Variants in TTC7B observed in about 807,000 individuals in gnomAD.
The protein encoded by TTC7B is tetratricopeptide repeat protein 7B.
Under a neutral mutation model 106.8 loss-of-function variants are expected in TTC7B, and 28 were observed. That is an observed-to-expected ratio of 0.26 (90% CI 0.19 to 0.36). The LOEUF (loss-of-function observed/expected upper bound fraction) is 0.36, where lower values mean the gene tolerates loss of function less well. Among genes scored for constraint, TTC7B ranks in the 10% least tolerant of loss-of-function variants. The pLI is 1.00. For missense variants in TTC7B, 862 were observed against 1,076.4 expected, an observed-to-expected ratio of 0.80 and a Z score of 2.79; for synonymous variants, 405 against 430.6, an observed-to-expected ratio of 0.94 and a Z score of 0.74.
intron 2 of TTC7B, among the ~76,000 whole-genome samples, chr14:90,782,180 T>C (rs915884634): frequency 4.0e-5 from 6 of 151,520 alleles, no homozygotes; most frequent in East Asian, 1.9e-4. Flanking sequence ...TTGGAAAGGA[T>C]GGTGCAGTGG....
rs1273807367 is a variant in TTC7B at position 90,600,693 on chromosome 14, G to A, written c.1967-7067C>T. Among the ~76,000 whole-genome samples, 1 of 152,224 alleles carries A rather than the reference G, an allele frequency of 6.6e-6. No homozygotes were observed. The highest frequency in any genetic ancestry group is 1.5e-5 in the Non-Finnish European group (1 of 68,034). The stretch of plus-strand genomic sequence containing the variant: ...ATGTCATCACCGGTGGGCATGCGGG[G>A]CTAGCGCAGCATGCTGCTGGTGGGT... On this transcript the variant is annotated intron_variant, in intron 17 of 19. Coordinates refer to ENST00000328459, the MANE Select transcript of TTC7B (RefSeq NM_001010854.2). This position sits in a 1 kb window ranked among gnomAD's most constrained non-coding sequence, Gnocchi z 4.3.
In TTC7B at chr14:90,600,361, C is replaced by G. The variant is rs1161053903; in HGVS notation, c.1967-6735G>C. 6.6e-6 allele frequency among the ~76,000 whole-genome samples: 1 copy of G among 152,136 alleles called. No homozygotes were observed. The highest frequency in any genetic ancestry group is 2.4e-5 in the African/African-American group (1 of 41,428). ...CTGCTGCTTCCCTGGGAGCTGCCCT[C>G]GCGCCTTGTGTCCCCCAGTGTGACA... is the stretch of plus-strand genomic sequence containing the variant. On this transcript the variant is annotated intron_variant, in intron 17 of 19. Coordinates refer to ENST00000328459, the MANE Select transcript of TTC7B (RefSeq NM_001010854.2). This position sits in a 1 kb window ranked among gnomAD's most constrained non-coding sequence, Gnocchi z 4.3.
intron 9 of TTC7B, among the ~76,000 whole-genome samples, chr14:90,664,989 G>C (rs1181712369): frequency 6.6e-6 from 1 of 152,216 alleles, no homozygotes; most frequent in East Asian, 1.9e-4. Context: ...GGCAAAGGCA[G>C]TGTGAATAGG....
rs574942981 is a variant in TTC7B, at chr14:90,699,034, G to A, written c.699-3456C>T. 57 of 352,844 alleles carry A rather than the reference G, an allele frequency of 1.6e-4. 1 individual carries two copies. The highest frequency in any genetic ancestry group is 9.4e-4 in the South Asian group (44 of 47,010). The allele number at this position is 352,844 out of a possible 1,614,324, so 21.9% of individuals were successfully genotyped here. ...CCTTCCAGGGCTTGTCTGCTGATTC[G>A]CCAGCATTCAACCCTCCCTCTCGAC... On this transcript the variant is annotated intron_variant, in intron 5 of 19. Coordinates refer to ENST00000328459, the MANE Select transcript of TTC7B (RefSeq NM_001010854.2).
chr14:90,593,969 G>A (rs948681665), intron 17 of TTC7B: 10 of 172,978 alleles, frequency 5.8e-5, no homozygotes, highest in African/African-American at 1.2e-4. Context: ...ATTACAAAGC[G>A]CCCCTGTAAG....
intron 3 of TTC7B, among the ~76,000 whole-genome samples, chr14:90,750,749 A>G (rs1010867171): frequency 2.0e-5 from 3 of 152,194 alleles, no homozygotes; most frequent in African/African-American, 7.2e-5. Context: ...TTAATTAAGT[A>G]TTGTTCCTTT....
intron 5 of TTC7B, among the ~76,000 whole-genome samples, chr14:90,699,681 TCA>T (rs1887908414): frequency 6.6e-6 from 1 of 152,224 alleles, no homozygotes; most frequent in Non-Finnish European, 1.5e-5. Flanking sequence ...CCAGTAGATC[TCA>T]AAGAGCAAAG....
chr14:90,664,254 CACATT>C (rs1886322043), intron 9 of TTC7B, among the ~76,000 whole-genome samples: 1 of 152,074 alleles, frequency 6.6e-6, no homozygotes, highest in Admixed American at 6.6e-5. Context: ...TAAAAGCATT[CACATT>C]TTTTATTTTT....
chr14:90,657,235 T>A lies in TTC7B; in HGVS notation c.1280A>T (p.Lys427Met). ...GAGAGGGATGGTGGCATCGTCTGGC[T>A]TCAGGCGGATACACTCTTTCAGCAC... is the stretch of plus-strand genomic sequence containing the variant. ...VKVLKECIRL[K>M]PDDATIPLLA... Residue 427 changes from lysine to methionine, a missense_variant, in exon 11 of 20, where the codon AAG becomes ATG. By Grantham distance (95) the Lys-to-Met change is moderately conservative. Coordinates refer to ENST00000328459, the MANE Select transcript of TTC7B (RefSeq NM_001010854.2). This position sits in a 1 kb window ranked among gnomAD's most constrained non-coding sequence, Gnocchi z 4.2. 1 of 1,614,108 alleles carries A rather than the reference T, an allele frequency of 6.2e-7. No individual in the cohort carries two copies. The highest frequency in any genetic ancestry group is 8.5e-7 in the Non-Finnish European group (1 of 1,180,022).
chr14:90,651,843 C>A (rs1003363713), intron 13 of TTC7B, among the ~76,000 whole-genome samples: 1 of 152,188 alleles, frequency 6.6e-6, no homozygotes, highest in South Asian at 2.1e-4. Flanking sequence ...CATACGGACA[C>A]CATGATAAAT....
In TTC7B at chr14:90,578,165, G is replaced by A. The variant is rs1195213965; in HGVS notation, c.2251C>T (p.Arg751Trp). ...ELRGSMDEARRWYEEALAISP... is the reference protein window; with the variant it reads ...ELRGSMDEARWWYEEALAISP... ...ATGGCTAAGGCCTCTTCATACCACC[G>A]CCGCGCCTCGTCCATGCTTCCCCGG... is the stretch of plus-strand genomic sequence containing the variant. The change falls in exon 19 of 20, where the codon CGG (arginine) becomes TGG (tryptophan). Residue 751 changes from arginine (R) to tryptophan (W), a missense_variant. Physicochemically the swap from Arg to Trp is moderately radical, Grantham distance 101. Transcript: ENST00000328459. This position sits in a 1 kb window ranked among gnomAD's most constrained non-coding sequence, Gnocchi z 4.7. 7.4e-6 allele frequency: 12 copies of A among 1,613,452 alleles called. No homozygotes were observed. Among genetic ancestry groups the A allele is most frequent in the Admixed American group, 3.3e-5 (2 of 59,918 alleles).
intron 15 of TTC7B, among the ~76,000 whole-genome samples, chr14:90,628,838 C>T (rs751156120): frequency 1.7e-4 from 26 of 152,258 alleles, no homozygotes; most frequent in Non-Finnish European, 3.4e-4. Context: ...TGTTTGGTTT[C>T]GCATGGCTTG....
chr14:90,589,783 T>C (rs889180645), intron 18 of TTC7B, among the ~76,000 whole-genome samples: 4 of 152,262 alleles, frequency 2.6e-5, no homozygotes, highest in Non-Finnish European at 4.4e-5. Context: ...TTCTACATCT[T>C]GACTCAAGCA....
At chr14:90,718,208 C>G (rs1042133938) in intron 5 of TTC7B, among the ~76,000 whole-genome samples, 13 of 152,184 alleles carry the variant, frequency 8.5e-5, no homozygotes, top group Non-Finnish European at 1.3e-4. Context: ...AACAACTAAA[C>G]CAGGGAAGAT....
At chr14:90,622,968 C>A (rs570749385) in intron 15 of TTC7B, among the ~76,000 whole-genome samples, 12 of 152,208 alleles carry the variant, frequency 7.9e-5, no homozygotes, top group African/African-American at 2.9e-4. Context: ...GGTCAGCTTC[C>A]CCCATGTGTC....
intron 4 of TTC7B, among the ~76,000 whole-genome samples, chr14:90,736,431 G>T (rs1480653882): frequency 6.6e-6 from 1 of 152,002 alleles, no homozygotes; most frequent in Non-Finnish European, 1.5e-5. Flanking sequence ...AAATAACTGG[G>T]CGTAGTGGTG....
At chr14:90,652,266 AG>A in intron 13 of TTC7B, among the ~76,000 whole-genome samples, 1 of 152,168 alleles carries the variant, frequency 6.6e-6, no homozygotes, top group East Asian at 1.9e-4. Flanking sequence ...AAATTAAATA[AG>A]GGATGTGAAG....
At chr14:90,654,580 AG>A (rs1885867878) in intron 12 of TTC7B, among the ~76,000 whole-genome samples, 1 of 152,156 alleles carries the variant, frequency 6.6e-6, no homozygotes, top group Non-Finnish European at 1.5e-5. Flanking sequence ...TGACCAGTCA[AG>A]GGAAGCTTCC....
chr14:90,530,686 A>G lies in TTC7B; in HGVS notation c.*10682T>C, dbSNP rs1889262649. ...ACTGCCGGCAGTGAACATGGCCATG[A>G]GCCAAGCACACCCCTGAGAAACTGG... On this transcript the variant is annotated 3_prime_UTR_variant, in exon 20 of 20. Transcript: ENST00000328459. 1.3e-5 allele frequency: 2 copies of G among 152,214 alleles called. No homozygotes were observed. The highest frequency in any genetic ancestry group is 4.1e-4 in the South Asian group (2 of 4,824). 9.4% of individuals were successfully genotyped at this position (152,214 alleles called of 1,614,324 possible).
Sources: gnomAD v4.1 joint callset for allele counts (sites outside exome capture counted in the v4.1 genomes callset) on GRCh38, gnomAD v4.1.1 for gene constraint, Gnocchi (gnomAD v3.1) non-coding constraint, MANE v1.5 for transcripts, NCBI Gene and HGNC (gene_info 2026-07-23, HGNC 2026-07-21) for gene names.